The following FUT9 variants were observed in gnomAD, a reference collection of about 807,000 sequenced individuals.
FUT9 encodes 4-galactosyl-N-acetylglucosaminide 3-alpha-L-fucosyltransferase 9.
FUT9 carries 15 observed loss-of-function variants against 29.7 expected under a neutral mutation model. The observed-to-expected ratio is 0.51, with a 90% confidence interval of 0.34 to 0.78. The LOEUF is 0.78. Among genes scored for constraint, FUT9 ranks in the 30% least tolerant of loss-of-function variants. The pLI is 0.01. For synonymous variants in FUT9, 169 were observed against 153.7 expected (o/e 1.10, Z -0.74); for missense variants, 319 against 425.4 (o/e 0.75, Z 2.20).
intron 2 of FUT9, among the ~76,000 whole-genome samples, chr6:96,186,039 C>T (rs1195953746): frequency 6.6e-6 from 1 of 152,126 alleles, no homozygotes; most frequent in Non-Finnish European, 1.5e-5. Flanking sequence ...GCCTTTCCAC[C>T]TTTTTTCTAA....
chr6:96,214,071 T>A lies in FUT9; in HGVS notation c.*9836T>A, dbSNP rs1773990676. 6.0e-6 allele frequency: 1 copy of A among 166,980 alleles called. No individual in the cohort carries two copies. The highest frequency in any genetic ancestry group is 6.6e-5 in the Admixed American group (1 of 15,256). The allele number at this position is 166,980 out of a possible 1,614,324, so 10.3% of individuals were successfully genotyped here. A position where few individuals can be genotyped will look rare whatever the true frequency, so the allele number is the denominator to read the frequency against. On this transcript the variant is annotated 3_prime_UTR_variant, in exon 3 of 3. Transcript: ENST00000302103. ...GTGCTAATGAGCCAATAAACAATGC[T>A]GCGTTTCTTTTTTCTAACTGCAGCA...
chr6:96,206,983 G>C lies in FUT9; in HGVS notation c.*2748G>C, dbSNP rs575471985. On this transcript the variant is annotated 3_prime_UTR_variant, in exon 3 of 3. Coordinates refer to ENST00000302103, the MANE Select transcript of FUT9 (RefSeq NM_006581.4). ...TAGAGGCAGTACTACTAAGTATCTA[G>C]CAGGTGCTTTGAAACCCCATTACTA... 2 of 167,066 alleles carry C rather than the reference G, an allele frequency of 1.2e-5. No individual in the cohort carries two copies. Among genetic ancestry groups the C allele is most frequent in the South Asian group, 4.1e-4 (2 of 4,820 alleles). The allele number at this position is 167,066 out of a possible 1,614,324, so 10.3% of individuals were successfully genotyped here.
intron 2 of FUT9, among the ~76,000 whole-genome samples, chr6:96,171,701 T>C (rs9390972): frequency 0.91 from 139,096 of 152,152 alleles, 64,875 homozygotes; most frequent in Non-Finnish European, 1. Context: ...AAATTCTAAA[T>C]AGCAGCTTTA....
intron 1 of FUT9, among the ~76,000 whole-genome samples, chr6:96,055,140 T>C (rs996646666): frequency 4.6e-5 from 7 of 152,176 alleles, no homozygotes; most frequent in African/African-American, 1.7e-4. Flanking sequence ...TTCCTTCTGA[T>C]TAATTGATTT....
intron 1 of FUT9, among the ~76,000 whole-genome samples, chr6:96,017,582 A>C (rs1032410563): frequency 3.3e-5 from 5 of 152,186 alleles, no homozygotes; most frequent in African/African-American, 1.2e-4. Context: ...AATATTTTAG[A>C]GAAATGATGA....
At chr6:96,118,841 G>A (rs754669872) in intron 2 of FUT9, among the ~76,000 whole-genome samples, 4 of 151,498 alleles carry the variant, frequency 2.6e-5, no homozygotes, top group Non-Finnish European at 5.9e-5. Flanking sequence ...GCTAAGGTGT[G>A]GGTTTGTATC....
chr6:96,038,707 A>G (rs1291694972), intron 1 of FUT9, among the ~76,000 whole-genome samples: 1 of 152,168 alleles, frequency 6.6e-6, no homozygotes, highest in Non-Finnish European at 1.5e-5. Context: ...AATTGATATC[A>G]GGATAGTGTT....
chr6:96,185,613 T>A lies in FUT9; in HGVS notation c.-8-17535T>A, dbSNP rs116048152. Among the ~76,000 whole-genome samples, 653 of 152,212 alleles carry A rather than the reference T, an allele frequency of 4.3e-3. 6 individuals are homozygous for A. The highest frequency in any genetic ancestry group is 0.015 in the African/African-American group (629 of 41,562). ...GATGTAGCAAAAATATAGAATAATC[T>A]GCAGAATGAGGTAACTTTACCCATT... On this transcript the variant is annotated intron_variant, in intron 2 of 2. Coordinates refer to ENST00000302103, the MANE Select transcript of FUT9 (RefSeq NM_006581.4).
At chr6:96,058,291 G>C (rs546305650) in intron 1 of FUT9, among the ~76,000 whole-genome samples, 16 of 152,064 alleles carry the variant, frequency 1.1e-4, no homozygotes, top group African/African-American at 3.6e-4. Flanking sequence ...CTGAGCAAAA[G>C]CTACAGCATT....
intron 2 of FUT9, among the ~76,000 whole-genome samples, chr6:96,132,164 A>G (rs1173429767): frequency 1.3e-5 from 2 of 151,624 alleles, no homozygotes; most frequent in Non-Finnish European, 3.0e-5. Flanking sequence ...ATCAAAAGTC[A>G]TTTGTTTTTG....
At chr6:96,123,454 C>A (rs1315133356) in intron 2 of FUT9, among the ~76,000 whole-genome samples, 1 of 152,108 alleles carries the variant, frequency 6.6e-6, no homozygotes, top group African/African-American at 2.4e-5. Flanking sequence ...CTTCCAGAGG[C>A]GTAAGTGTAT....
chr6:96,066,065 G>A (rs1280996993), intron 1 of FUT9, among the ~76,000 whole-genome samples: 4 of 152,060 alleles, frequency 2.6e-5, no homozygotes, highest in Non-Finnish European at 5.9e-5. Flanking sequence ...AGGTATTTGT[G>A]CAGCTAAATG....
At chr6:96,200,511 T>G (rs192908539) in intron 2 of FUT9, among the ~76,000 whole-genome samples, 1 of 152,198 alleles carries the variant, frequency 6.6e-6, no homozygotes, top group East Asian at 1.9e-4. Context: ...TTAAAGGAAA[T>G]GATGTGTGTA....
chr6:96,180,444 C>T (rs552597223), intron 2 of FUT9, among the ~76,000 whole-genome samples: 1 of 151,948 alleles, frequency 6.6e-6, no homozygotes, highest in East Asian at 1.9e-4. Context: ...CCCACATAGT[C>T]CAGAAACCAG....
intron 2 of FUT9, among the ~76,000 whole-genome samples, chr6:96,189,152 C>T (rs1351997966): frequency 6.6e-6 from 1 of 151,982 alleles, no homozygotes; most frequent in East Asian, 1.9e-4. Flanking sequence ...CAAGCTACTG[C>T]CAGTAGAACT....
chr6:96,052,707 C>T (rs116800623), intron 1 of FUT9, among the ~76,000 whole-genome samples: 30 of 152,038 alleles, frequency 2.0e-4, no homozygotes, highest in African/African-American at 7.2e-4. Context: ...TGTCAAGTGC[C>T]AGAAAGATGT....
chr6:96,170,481 T>C (rs1773091490), intron 2 of FUT9, among the ~76,000 whole-genome samples: 1 of 152,046 alleles, frequency 6.6e-6, no homozygotes, highest in South Asian at 2.1e-4. Context: ...AACTGTCCTT[T>C]TTTTTCTTCC....
chr6:96,143,289 T>G (rs1772499891), intron 2 of FUT9, among the ~76,000 whole-genome samples: 1 of 152,194 alleles, frequency 6.6e-6, no homozygotes, highest in Admixed American at 6.5e-5. Flanking sequence ...GGCACCTTGA[T>G]CTTGGACTTC....
At chr6:96,108,954 C>A (rs1232314340) in intron 1 of FUT9, among the ~76,000 whole-genome samples, 1 of 151,984 alleles carries the variant, frequency 6.6e-6, no homozygotes, top group Non-Finnish European at 1.5e-5. Context: ...GGCCATAACC[C>A]CTACCAACTC....
Sources: allele counts gnomAD v4.1 joint callset (sites outside exome capture counted in the v4.1 genomes callset), GRCh38; gene constraint gnomAD v4.1.1; transcripts MANE v1.5; gene names NCBI Gene and HGNC (gene_info 2026-07-23, HGNC 2026-07-21).